Variants in FSD1 observed in about 807,000 individuals in gnomAD.
The protein encoded by FSD1 is fibronectin type III and SPRY domain-containing protein 1.
In FSD1, 23 loss-of-function variants were observed where a neutral mutation model predicts 58.2. That is an observed-to-expected ratio of 0.40 (90% CI 0.28 to 0.56). The LOEUF is 0.56. FSD1 is among the 20% of genes least tolerant of loss of function. FSD1 has a pLI of 0.54. For synonymous variants in FSD1, 265 were observed against 263.4 expected, an observed-to-expected ratio of 1.01 and a Z score of -0.06; for missense variants, 563 against 670.8, an observed-to-expected ratio of 0.84 and a Z score of 1.78.
rs747434910 is a variant in FSD1, at chr19:4,318,305, G to C, written c.800-41G>C. ...TCTGTCTCTCTCTGTGTCTCTCCGG[G>C]TTTCCCCATCTCTGTGACTCCCACG... On this transcript the variant is annotated intron_variant, in intron 8 of 12. Coordinates refer to ENST00000221856, the MANE Select transcript of FSD1 (RefSeq NM_024333.3). 5.2e-5 allele frequency: 84 copies of C among 1,612,876 alleles called. No homozygotes were observed. In the South Asian group the frequency reaches 8.3e-4, roughly 16 times the overall value.
chr19:4,315,063 T>C (rs1399931270), intron 7 of FSD1, among the ~76,000 whole-genome samples: 2 of 152,176 alleles, frequency 1.3e-5, no homozygotes, highest in African/African-American at 2.4e-5. Flanking sequence ...ATCCACCTAC[T>C]GTTTTGTTGA....
In FSD1 at chr19:4,305,976, G is replaced by A. The variant is rs1237043905; in HGVS notation, c.46G>A (p.Ala16Thr). 1 of 1,614,114 alleles carries A rather than the reference G, an allele frequency of 6.2e-7. No individual in the cohort carries two copies. The highest frequency in any genetic ancestry group is 8.5e-7 in the Non-Finnish European group (1 of 1,180,002). Residue 16 changes from alanine to threonine, a missense_variant, in exon 2 of 13, where the codon GCT becomes ACT. Coordinates refer to ENST00000221856, the MANE Select transcript of FSD1 (RefSeq NM_024333.3). Reference sequence around the variant, plus strand: ...CCTGAGGAAGATCATCAAAACACTGGCTGTGAAGAATGAAGAAATTCAGAG... The same window carrying A: ...CCTGAGGAAGATCATCAAAACACTGACTGTGAAGAATGAAGAAATTCAGAG... ...EALRKIIKTL[A>T]VKNEEIQSFI...
chr19:4,311,928 A>G lies in FSD1; in HGVS notation c.577A>G (p.Ser193Gly). 1 of 1,614,160 alleles carries G rather than the reference A, an allele frequency of 6.2e-7. No individual in the cohort carries two copies. Among genetic ancestry groups the G allele is most frequent in the Non-Finnish European group, 8.5e-7 (1 of 1,180,036 alleles). Residue 193 changes from serine to glycine, a missense_variant, in exon 7 of 13, where the codon AGC becomes GGC. Transcript: ENST00000221856. ...TLVWRMPDED[S>G]KIDHYVLEYR... ...GGTGTGGCGCATGCCGGATGAGGAC[A>G]GCAAGATTGACCACTACGTGCTGGA...
intron 1 of FSD1, 109 bp downstream of exon 1, chr19:4,304,870 C>G: frequency 7.6e-6 from 4 of 527,588 alleles, no homozygotes; most frequent in Non-Finnish European, 1.1e-5. Context: ...CCCAGCTGCT[C>G]TGCGGCTGAG....
intron 3 of FSD1, 143 bp downstream of exon 3, chr19:4,306,472 C>T (rs1568377765): frequency 1.7e-5 from 10 of 578,070 alleles, no homozygotes; most frequent in Non-Finnish European, 2.6e-5. Context: ...TACACTCTCT[C>T]TTTTTTTTTT....
chr19:4,310,184 C>T, intron 4 of FSD1, 89 bp from the exon 5 acceptor site: 1 of 1,442,974 alleles, frequency 6.9e-7, no homozygotes, highest in South Asian at 1.1e-5. Context: ...GAGATCTCTC[C>T]ACTGCAATCC....
intron 7 of FSD1, among the ~76,000 whole-genome samples, chr19:4,315,951 A>C (rs550862992): frequency 6.6e-6 from 1 of 151,588 alleles, no homozygotes; most frequent in East Asian, 2.0e-4. Flanking sequence ...TTTTTAGTAG[A>C]GACAGAGTTT....
chr19:4,317,351 G>C, intron 8 of FSD1, 71 bp downstream of exon 8: 1 of 955,690 alleles, frequency 1.0e-6, no homozygotes, highest in Non-Finnish European at 1.7e-6. Flanking sequence ...CAGAGACCAT[G>C]AGAATCCTCG....
In FSD1 at chr19:4,323,557, A is replaced by T; in HGVS notation, c.1405A>T (p.Thr469Ser). ...GGTATGGTGTGGCAGCTTCCAGGTG[A>T]CGACAGGCCTGCAGGTCCCCAGTGC... Reference protein sequence around the residue: ...FTVWCGSFQVTTGLQVPSAVR... With the variant: ...FTVWCGSFQVSTGLQVPSAVR... Residue 469 changes from threonine (T) to serine (S), a missense_variant, in exon 13 of 13, where the codon ACG becomes TCG. By Grantham distance (58) the Thr-to-Ser change is moderately conservative (BLOSUM62 1). Coordinates refer to ENST00000221856, the MANE Select transcript of FSD1 (RefSeq NM_024333.3). This position sits in a 1 kb window ranked among gnomAD's most constrained non-coding sequence, Gnocchi z 7.7. 6.2e-7 allele frequency: 1 copy of T among 1,602,614 alleles called. No individual in the cohort carries two copies. Among genetic ancestry groups the T allele is most frequent in the Non-Finnish European group, 8.5e-7 (1 of 1,175,256 alleles).
intron 5 of FSD1, 52 bp downstream of exon 5, chr19:4,310,347 G>A (rs912582976): frequency 6.2e-7 from 1 of 1,609,930 alleles, no homozygotes; most frequent in African/African-American, 1.3e-5. Context: ...CTGGTGTGAA[G>A]ACAGGGGCCA....
chr19:4,322,392 C>G (rs563354040), intron 10 of FSD1, among the ~76,000 whole-genome samples: 3 of 151,460 alleles, frequency 2.0e-5, no homozygotes, highest in Non-Finnish European at 4.4e-5. Context: ...ATAGCTGGAG[C>G]CCAAGGAGTA....
Position 4,323,723 on chromosome 19 carries a change from T to C in FSD1, c.*80T>C. 1.0e-6 allele frequency: 1 copy of C among 959,556 alleles called. No individual in the cohort carries two copies. The allele number at this position is 959,556 out of a possible 1,614,324, so 59.4% of individuals were successfully genotyped here. A position where few individuals can be genotyped will look rare whatever the true frequency, so the allele number is the denominator to read the frequency against. ...AGGCTGCTGGAGCCAGGCACCCTCCTCTGTCACTTGCTGCTTGGAGCCTTA... is the reference window on the plus strand; with the variant it reads ...AGGCTGCTGGAGCCAGGCACCCTCCCCTGTCACTTGCTGCTTGGAGCCTTA... On this transcript the variant is annotated 3_prime_UTR_variant, in exon 13 of 13. Transcript: ENST00000221856. The surrounding 1 kb of genome is among the most constrained non-coding windows in gnomAD (Gnocchi z 7.7).
rs747629351 is a variant in FSD1 at position 4,312,006 on chromosome 19, T to G, written c.655T>G (p.Trp219Gly). 1 of 1,613,008 alleles carries G rather than the reference T, an allele frequency of 6.2e-7. No homozygotes were observed. The highest frequency in any genetic ancestry group is 8.5e-7 in the Non-Finnish European group (1 of 1,180,026). The change falls in exon 7 of 13, where the codon TGG (tryptophan) becomes GGG (glycine). Residue 219 changes from tryptophan (W) to glycine (G), a missense_variant. Coordinates refer to ENST00000221856, the MANE Select transcript of FSD1 (RefSeq NM_024333.3). Reference sequence around the variant, plus strand: ...GCCCCGCCTCAAGGAGGACCAGCCCTGGATGGTCATCGAGGGCATCCGGCA... The same window carrying G: ...GCCCCGCCTCAAGGAGGACCAGCCCGGGATGGTCATCGAGGGCATCCGGCA... Reference protein sequence around the residue: ...GPPRLKEDQPWMVIEGIRQTE... With the variant: ...GPPRLKEDQPGMVIEGIRQTE...
chr19:4,304,844 C>CA, intron 1 of FSD1, 83 bp downstream of exon 1: 1 of 445,244 alleles, frequency 2.2e-6, no homozygotes, highest in Non-Finnish European at 3.3e-6. Context: ...CGCCCCCACT[C>CA]CCTCCCCGCC....
chr19:4,306,720 CT>C (rs1210969895), intron 3 of FSD1, among the ~76,000 whole-genome samples: 3 of 149,724 alleles, frequency 2.0e-5, no homozygotes. Context: ...TCCCAAAGTG[CT>C]GGGATGACAG....
At chr19:4,308,447 G>C (rs1209434092) in intron 4 of FSD1, among the ~76,000 whole-genome samples, 1 of 152,126 alleles carries the variant, frequency 6.6e-6, no homozygotes, top group East Asian at 1.9e-4. Context: ...TTCAGGCTGG[G>C]TGCAGTGGCT....
intron 6 of FSD1, 95 bp from the exon 7 acceptor site, chr19:4,311,747 T>C (rs1275766751): frequency 1.8e-6 from 2 of 1,120,990 alleles, no homozygotes; most frequent in Admixed American, 3.7e-5. Context: ...GCCCCCAAAA[T>C]TGTCCAACAT....
chr19:4,318,811 C>A, intron 9 of FSD1, 61 bp from the exon 10 acceptor site: 2 of 1,357,808 alleles, frequency 1.5e-6, no homozygotes, highest in South Asian at 2.3e-5. Context: ...GTAGCCTTAC[C>A]GTGGGAGAGA....
Position 4,323,089 on chromosome 19 carries a change from C to T in FSD1, c.1143C>T (p.Phe381=), listed in dbSNP as rs1971721503. 8.1e-6 allele frequency: 13 copies of T among 1,610,048 alleles called. No homozygotes were observed. The East Asian group carries it at 1.1e-4, about 14-fold the overall frequency. The change falls in exon 11 of 13, where the codon TTC becomes TTT. Residue 381 remains phenylalanine, a synonymous_variant. Transcript: ENST00000221856. This position sits in a 1 kb window ranked among gnomAD's most constrained non-coding sequence, Gnocchi z 7.7. The part of the protein sequence containing the change: ...VGVAYRSLGR[F]EQLGKTAASW... ...TGGCCTACCGCAGCCTGGGCCGCTT[C>T]GAGCAACTGGGCAAGACGGCCGCCT...
Sources: gnomAD v4.1 joint callset for allele counts (sites outside exome capture counted in the v4.1 genomes callset) on GRCh38, gnomAD v4.1.1 for gene constraint, Gnocchi (gnomAD v3.1) non-coding constraint, MANE v1.5 for transcripts, NCBI Gene and HGNC (gene_info 2026-07-23, HGNC 2026-07-21) for gene names.